Variants in RAB1A observed in about 807,000 individuals in gnomAD.
RAB1A encodes the protein RAB1A, member RAS oncogene family.
Under a neutral mutation model 26.0 loss-of-function variants are expected in RAB1A, and 2 were observed. The observed-to-expected ratio is 0.08, with a 90% CI of 0.03 to 0.24. The LOEUF (loss-of-function observed/expected upper bound fraction) is 0.24, where lower values mean the gene tolerates loss of function less well. Among genes scored for constraint, RAB1A ranks in the 10% least tolerant of loss-of-function variants. The probability of loss-of-function intolerance (pLI) is 1.00; values close to 1 mark genes in which losing one functional copy is unlikely to be tolerated. For synonymous variants in RAB1A, 84 were observed against 84.9 expected, an observed-to-expected ratio of 0.99 and a Z score of 0.06; for missense variants, 100 against 247.0, an observed-to-expected ratio of 0.40 and a Z score of 3.99.
chr2:65,104,945 C>T, intron 1 of RAB1A, 139 bp from the exon 2 acceptor site: 1 of 785,206 alleles, frequency 1.3e-6, no homozygotes, highest in Non-Finnish European at 2.3e-6. Flanking sequence ...TGGCTTAAGC[C>T]AAAACTGCAA....
chr2:65,089,447 C>T (rs1185315978), intron 4 of RAB1A, among the ~76,000 whole-genome samples: 1 of 152,052 alleles, frequency 6.6e-6, no homozygotes, highest in Non-Finnish European at 1.5e-5. Flanking sequence ...AACTCCTGAG[C>T]TCAATCGGCC....
intron 1 of RAB1A, among the ~76,000 whole-genome samples, chr2:65,107,907 T>C (rs56050765): frequency 0.011 from 1,742 of 151,990 alleles, 34 homozygotes; most frequent in African/African-American, 0.04. Context: ...CTACTAAAAA[T>C]ACTAAAATTA....
intron 3 of RAB1A, among the ~76,000 whole-genome samples, chr2:65,096,746 C>T (rs547828210): frequency 6.6e-6 from 1 of 152,318 alleles, no homozygotes; most frequent in Non-Finnish European, 1.5e-5. Context: ...TCCACAGCCA[C>T]CTATCTTTTG....
At chr2:65,123,172 T>TTC (rs1670013187) in intron 1 of RAB1A, among the ~76,000 whole-genome samples, 1 of 136,826 alleles carries the variant, frequency 7.3e-6, no homozygotes, top group African/African-American at 3.3e-5. Flanking sequence ...TACGTAAATT[T>TTC]TTTTTTTTTT....
chr2:65,094,727 G>A lies in RAB1A; in HGVS notation c.192+3244C>T, dbSNP rs182278654. ...GGCCATGAGCCCTTGAAGTTCAAGA[G>A]AGAAATTCATTCAGGCTCCAAATCA... On this transcript the variant is annotated intron_variant, in intron 3 of 5. Transcript: ENST00000409784. Among the ~76,000 whole-genome samples, 809 of 152,276 alleles carry A rather than the reference G, an allele frequency of 5.3e-3. 10 individuals carry two copies. The highest frequency in any genetic ancestry group is 5.6e-3 in the Non-Finnish European group (378 of 68,032).
chr2:65,120,417 C>T (rs916457500), intron 1 of RAB1A, among the ~76,000 whole-genome samples: 2 of 136,784 alleles, frequency 1.5e-5, no homozygotes, highest in Non-Finnish European at 3.0e-5. Flanking sequence ...GATCACACCA[C>T]TACACTCCAG....
At chr2:65,129,775 C>G in intron 1 of RAB1A, 118 bp downstream of exon 1, 1 of 1,482,040 alleles carries the variant, frequency 6.7e-7, no homozygotes, top group Non-Finnish European at 9.2e-7. Context: ...TCTCCTGACC[C>G]ATCACCCTCG....
intron 1 of RAB1A, among the ~76,000 whole-genome samples, chr2:65,123,369 C>T (rs537673639): frequency 1.3e-5 from 2 of 151,720 alleles, no homozygotes; most frequent in East Asian, 3.9e-4. Context: ...GGGGTTTCAC[C>T]GTGTTAGCCA....
intron 2 of RAB1A, among the ~76,000 whole-genome samples, chr2:65,101,052 A>G (rs1669412722): frequency 6.6e-6 from 1 of 151,828 alleles, no homozygotes; most frequent in Non-Finnish European, 1.5e-5. Flanking sequence ...AGGCTGAGGC[A>G]TGAGAATCAC....
intron 3 of RAB1A, among the ~76,000 whole-genome samples, chr2:65,095,742 T>A (rs1391353587): frequency 2.0e-5 from 3 of 150,960 alleles, no homozygotes; most frequent in African/African-American, 7.3e-5. Flanking sequence ...CCAGGCGTGG[T>A]GGCTCACGCC....
chr2:65,129,496 G>C (rs1284021338), intron 1 of RAB1A, among the ~76,000 whole-genome samples: 1 of 152,022 alleles, frequency 6.6e-6, no homozygotes, highest in African/African-American at 2.4e-5. Context: ...GCGGGCGCAG[G>C]GTCTGACAGT....
chr2:65,112,147 AT>A lies in RAB1A; in HGVS notation c.24-7342del, dbSNP rs371108447. 5.1e-3 allele frequency among the ~76,000 whole-genome samples: 719 copies of A among 142,232 alleles called. 1 individual carries two copies. The highest frequency in any genetic ancestry group is 0.011 in the Middle Eastern group (3 of 284). The allele number at this position is 142,232 out of a possible 152,430, so 93.3% of individuals were successfully genotyped here. On this transcript the variant is annotated intron_variant, in intron 1 of 5. Coordinates refer to ENST00000409784, the MANE Select transcript of RAB1A (RefSeq NM_004161.5). The stretch of plus-strand genomic sequence containing the variant: ...ATCACTTCAAAAATGCTAGCTCATG[AT>A]TTTTTTTTTTTTTTTGAGACAGAGT...
intron 1 of RAB1A, among the ~76,000 whole-genome samples, chr2:65,119,481 T>C (rs1048729395): frequency 6.7e-6 from 1 of 149,452 alleles, no homozygotes; most frequent in Admixed American, 6.7e-5. Flanking sequence ...CACTCCAGCC[T>C]GGGTGGGAGG....
intron 1 of RAB1A, 29 bp downstream of exon 1, chr2:65,129,864 C>G (rs1180680562): frequency 4.4e-6 from 7 of 1,588,480 alleles, no homozygotes; most frequent in Non-Finnish European, 6.0e-6. Flanking sequence ...GCCCACGGAC[C>G]CAGCCGACCG....
At chr2:65,097,181 T>C (rs1453850612) in intron 3 of RAB1A, among the ~76,000 whole-genome samples, 1 of 152,216 alleles carries the variant, frequency 6.6e-6, no homozygotes, top group Non-Finnish European at 1.5e-5. Flanking sequence ...AGCCTACTTC[T>C]TGCTAATAGC....
At chr2:65,111,382 TCAGA>T (rs1275428285) in intron 1 of RAB1A, among the ~76,000 whole-genome samples, 1 of 149,810 alleles carries the variant, frequency 6.7e-6, no homozygotes, top group Non-Finnish European at 1.5e-5. Context: ...AAAAAATACA[TCAGA>T]CAAATACAAA....
intron 1 of RAB1A, among the ~76,000 whole-genome samples, chr2:65,127,877 G>A (rs1470479001): frequency 1.3e-5 from 2 of 152,102 alleles, no homozygotes; most frequent in African/African-American, 2.4e-5. Context: ...GGGACTACAG[G>A]TGCCCACCAC....
chr2:65,126,544 A>G (rs769900303), intron 1 of RAB1A, among the ~76,000 whole-genome samples: 8 of 152,174 alleles, frequency 5.3e-5, no homozygotes, highest in Non-Finnish European at 8.8e-5. Context: ...TTTTCTCAAG[A>G]TCCCATTTTC....
At chr2:65,098,447 G>C (rs1486953087) in intron 2 of RAB1A, among the ~76,000 whole-genome samples, 1 of 151,912 alleles carries the variant, frequency 6.6e-6, no homozygotes, top group Non-Finnish European at 1.5e-5. Context: ...CAAAACTCTT[G>C]CGACCCACCC....
Sources: allele counts gnomAD v4.1 joint callset (sites outside exome capture counted in the v4.1 genomes callset), GRCh38; gene constraint gnomAD v4.1.1; transcripts MANE v1.5; gene names NCBI Gene and HGNC (gene_info 2026-07-23, HGNC 2026-07-21).